PXDNL: variants seen among roughly 807,000 people sequenced by gnomAD.
PXDNL encodes probable oxidoreductase PXDNL.
PXDNL carries 145 observed loss-of-function variants against 150.8 expected under a neutral mutation model. The observed-to-expected ratio is 0.96, with a 90% CI of 0.84 to 1.10. The LOEUF is 1.10. Among genes scored for constraint, PXDNL ranks in the 50% least tolerant of loss-of-function variants. The pLI is 0.00. For synonymous variants in PXDNL, 757 were observed against 725.7 expected, an observed-to-expected ratio of 1.04 and a Z score of -0.69; for missense variants, 2,087 against 1,873.9, an observed-to-expected ratio of 1.11 and a Z score of -2.10.
At chr8:51,604,452 G>C (rs536940813) in intron 2 of PXDNL, among the ~76,000 whole-genome samples, 1 of 152,168 alleles carries the variant, frequency 6.6e-6, no homozygotes, top group East Asian at 1.9e-4. Context: ...TGAACAATGA[G>C]AACACATGGA....
intron 14 of PXDNL, among the ~76,000 whole-genome samples, chr8:51,416,870 T>A (rs1046644719): frequency 6.6e-6 from 1 of 152,228 alleles, no homozygotes; most frequent in African/African-American, 2.4e-5. Flanking sequence ...CGTGATATAG[T>A]CAAACAAAAA....
At chr8:51,594,208 A>AT (rs1335771422) in intron 2 of PXDNL, among the ~76,000 whole-genome samples, 2 of 152,224 alleles carry the variant, frequency 1.3e-5, no homozygotes, top group Admixed American at 1.3e-4. Context: ...GCATGTGTGT[A>AT]TGTAATTTGC....
At chr8:51,339,051 T>A (rs565617112) in intron 21 of PXDNL, among the ~76,000 whole-genome samples, 8 of 152,318 alleles carry the variant, frequency 5.3e-5, no homozygotes, top group Admixed American at 5.2e-4. Context: ...GCAGAGCCAG[T>A]GCCGACCAAA....
intron 9 of PXDNL, among the ~76,000 whole-genome samples, chr8:51,456,821 GGCTCCCT>G (rs1809947483): frequency 6.6e-6 from 1 of 152,090 alleles, no homozygotes; most frequent in Non-Finnish European, 1.5e-5. Context: ...TGCAAATCAG[GGCTCCCT>G]GCTCCTCAGA....
intron 5 of PXDNL, among the ~76,000 whole-genome samples, chr8:51,486,047 A>AT (rs1810726151): frequency 6.6e-6 from 1 of 152,168 alleles, no homozygotes; most frequent in Admixed American, 6.5e-5. Flanking sequence ...TTTCTTCATT[A>AT]TTTTATAAGT....
Position 51,600,330 on chromosome 8 carries a change from A to G in PXDNL, c.237-7632T>C, listed in dbSNP as rs1051530742. Among the ~76,000 whole-genome samples the G allele has an allele frequency of 4.5e-3, 490 of 109,040 alleles. 17 individuals carry two copies. Among genetic ancestry groups the G allele is most frequent in the East Asian group, 0.014 (45 of 3,272 alleles). 71.5% of individuals were successfully genotyped at this position (109,040 alleles called of 152,430 possible). On this transcript the variant is annotated intron_variant, in intron 2 of 22. Coordinates refer to ENST00000356297, the MANE Select transcript of PXDNL (RefSeq NM_144651.5). ...TGGTTTAGATAATAAATTATATCTT[A>G]TATAAATTATATCGTTTAGATAATA...
chr8:51,350,703 T>C (rs1221117618), intron 19 of PXDNL, among the ~76,000 whole-genome samples: 1 of 151,966 alleles, frequency 6.6e-6, no homozygotes, highest in African/African-American at 2.4e-5. Flanking sequence ...GCACACGTGG[T>C]GACAAGGAAA....
At chr8:51,521,729 CA>C (rs1416572403) in intron 4 of PXDNL, among the ~76,000 whole-genome samples, 1 of 151,574 alleles carries the variant, frequency 6.6e-6, no homozygotes, top group Non-Finnish European at 1.5e-5. Flanking sequence ...AAAACAAAGA[CA>C]AAGAGATATC....
chr8:51,720,788 G>A (rs1391931296), intron 1 of PXDNL, among the ~76,000 whole-genome samples: 1 of 152,216 alleles, frequency 6.6e-6, no homozygotes, highest in Non-Finnish European at 1.5e-5. Context: ...TCGGCTAGTG[G>A]TCACGGCGCT....
chr8:51,547,325 C>T (rs1426393305), intron 4 of PXDNL, among the ~76,000 whole-genome samples: 2 of 152,140 alleles, frequency 1.3e-5, no homozygotes, highest in Admixed American at 1.3e-4. Flanking sequence ...AACACCCTGG[C>T]TAACCACAGA....
chr8:51,758,648 G>A (rs1231975662), intron 1 of PXDNL, among the ~76,000 whole-genome samples: 1 of 152,094 alleles, frequency 6.6e-6, no homozygotes, highest in African/African-American at 2.4e-5. Context: ...TAAACGTTTG[G>A]TAGTTCCTCC....
At chr8:51,483,763 T>C (rs748838471) in intron 5 of PXDNL, 49 bp from the exon 6 acceptor site, 3 of 1,105,596 alleles carry the variant, frequency 2.7e-6, no homozygotes, top group Non-Finnish European at 3.9e-6. Flanking sequence ...ATAATGAATT[T>C]GACAAACAAA....
At chr8:51,668,495 G>A (rs944448649) in intron 1 of PXDNL, among the ~76,000 whole-genome samples, 4 of 151,962 alleles carry the variant, frequency 2.6e-5, no homozygotes, top group African/African-American at 7.3e-5. Flanking sequence ...TTTCTGACAG[G>A]ACCATGGTAA....
intron 2 of PXDNL, among the ~76,000 whole-genome samples, chr8:51,616,006 C>G (rs1814122327): frequency 6.6e-6 from 1 of 152,144 alleles, no homozygotes; most frequent in South Asian, 2.1e-4. Context: ...GACTGCCTTT[C>G]TCTATCAGAG....
chr8:51,640,406 G>C (rs1264408892), intron 2 of PXDNL, among the ~76,000 whole-genome samples: 1 of 152,190 alleles, frequency 6.6e-6, no homozygotes, highest in Non-Finnish European at 1.5e-5. Flanking sequence ...AAAAGAGGAA[G>C]TCAAATTGTC....
chr8:51,323,198 G>C (rs1158284328), intron 21 of PXDNL, among the ~76,000 whole-genome samples: 3 of 152,122 alleles, frequency 2.0e-5, no homozygotes, highest in Non-Finnish European at 4.4e-5. Context: ...CTAAACTTTA[G>C]GCACTTAGGA....
intron 1 of PXDNL, among the ~76,000 whole-genome samples, chr8:51,669,118 C>A (rs560116233): frequency 3.3e-5 from 5 of 152,176 alleles, no homozygotes; most frequent in Non-Finnish European, 7.4e-5. Flanking sequence ...AACTTATTTT[C>A]TTTCAGGTGA....
At chr8:51,704,361 A>G (rs1331151932) in intron 1 of PXDNL, among the ~76,000 whole-genome samples, 1 of 152,190 alleles carries the variant, frequency 6.6e-6, no homozygotes, top group Admixed American at 6.5e-5. Context: ...TTTTGTGAGT[A>G]TACCATAGTC....
intron 17 of PXDNL, among the ~76,000 whole-genome samples, chr8:51,391,079 C>T (rs2130837741): frequency 6.6e-6 from 1 of 152,288 alleles, no homozygotes; most frequent in East Asian, 1.9e-4. Flanking sequence ...ATGAACTCAT[C>T]ATTTGTTATG....
Sources: allele counts gnomAD v4.1 joint callset (sites outside exome capture counted in the v4.1 genomes callset), GRCh38; gene constraint gnomAD v4.1.1; transcripts MANE v1.5; gene names NCBI Gene and HGNC (gene_info 2026-07-23, HGNC 2026-07-21).